Variants in C7orf78 observed in about 807,000 individuals in gnomAD.
C7orf78 encodes putative uncharacterized protein C7orf78.
chr7:12,497,701 G>A, the C7orf78 span, among the ~76,000 whole-genome samples: 3 of 152,062 alleles, frequency 2.0e-5, no homozygotes, highest in African/African-American at 7.3e-5. Context: ...AAACAAAGCA[G>A]CTGGGAAGCT....
chr7:12,506,677 A>G, the C7orf78 span: 1 of 222,278 alleles, frequency 4.5e-6, no homozygotes, highest in Non-Finnish European at 9.0e-6. Flanking sequence ...GCATTAGGAG[A>G]AATACCTAAT....
the C7orf78 span, chr7:12,504,553 G>A: frequency 2.6e-5 from 4 of 152,156 alleles, no homozygotes; most frequent in Non-Finnish European, 5.9e-5. Flanking sequence ...AATGGTAAGT[G>A]AAGTAACTGG....
At chr7:12,505,943 G>A in the C7orf78 span, 6 of 152,136 alleles carry the variant, frequency 3.9e-5, no homozygotes, top group East Asian at 9.7e-4. Context: ...ATAATATAAG[G>A]ACAAAATAAG....
chr7:12,533,485 G>C, the C7orf78 span, among the ~76,000 whole-genome samples: 1 of 149,082 alleles, frequency 6.7e-6, no homozygotes, highest in Non-Finnish European at 1.5e-5. Flanking sequence ...ACAGGTGTGA[G>C]CCACAGCGCC....
At chr7:12,489,875 C>G in the C7orf78 span, among the ~76,000 whole-genome samples, 50 of 152,136 alleles carry the variant, frequency 3.3e-4, no homozygotes, top group African/African-American at 1.1e-3. Flanking sequence ...CAGGTGGCAT[C>G]GACATTTGCT....
the C7orf78 span, chr7:12,528,847 CATG>C: frequency 2.5e-6 from 1 of 397,712 alleles, no homozygotes; most frequent in Non-Finnish European, 4.4e-6. Context: ...TGAGAGACAT[CATG>C]AACAAAGACA....
the C7orf78 span, chr7:12,496,382 T>G: frequency 6.6e-6 from 1 of 152,246 alleles, no homozygotes. Flanking sequence ...ATTCCAAGAA[T>G]GCATTCATGA....
the C7orf78 span, among the ~76,000 whole-genome samples, chr7:12,536,356 G>A: frequency 2.2e-4 from 34 of 152,274 alleles, no homozygotes; most frequent in Non-Finnish European, 4.6e-4. Flanking sequence ...TGAGCTCTAC[G>A]TTGGCCTCTT....
At chr7:12,488,308 T>C in the C7orf78 span, among the ~76,000 whole-genome samples, 1 of 152,082 alleles carries the variant, frequency 6.6e-6, no homozygotes, top group Non-Finnish European at 1.5e-5. Context: ...CAACTCACCA[T>C]TAAATTTCCT....
At chr7:12,499,477 CAAA>C in the C7orf78 span, among the ~76,000 whole-genome samples, 1 of 148,518 alleles carries the variant, frequency 6.7e-6, no homozygotes, top group Non-Finnish European at 1.5e-5. Context: ...TCAAAAGAGA[CAAA>C]GAAGGCCATT....
the C7orf78 span, among the ~76,000 whole-genome samples, chr7:12,528,545 C>G: frequency 6.6e-6 from 1 of 152,074 alleles, no homozygotes. Flanking sequence ...CTATGTGTCA[C>G]TCACTTTGGT....
chr7:12,536,078 C>T, the C7orf78 span, among the ~76,000 whole-genome samples: 9 of 152,202 alleles, frequency 5.9e-5, no homozygotes, highest in Admixed American at 2.6e-4. Context: ...GCCCTCTTTT[C>T]ACAGCTCCAA....
chr7:12,540,419 T>G, the C7orf78 span, among the ~76,000 whole-genome samples: 3 of 152,222 alleles, frequency 2.0e-5, no homozygotes, highest in African/African-American at 7.2e-5. Flanking sequence ...CATTTATACA[T>G]CAAACTCAGT....
At chr7:12,532,350 C>T in the C7orf78 span, among the ~76,000 whole-genome samples, 10 of 151,962 alleles carry the variant, frequency 6.6e-5, no homozygotes, top group South Asian at 4.1e-4. Context: ...GAGTTCGAGA[C>T]CAGCCTGACC....
chr7:12,494,549 C>G, the C7orf78 span, among the ~76,000 whole-genome samples: 1 of 152,074 alleles, frequency 6.6e-6, no homozygotes, highest in African/African-American at 2.4e-5. Context: ...TGACAAGCAG[C>G]CAAATTTATT....
the C7orf78 span, chr7:12,525,902 C>A: frequency 3.8e-5 from 15 of 396,510 alleles, no homozygotes; most frequent in Non-Finnish European, 6.7e-5. Context: ...CACTTAAGTA[C>A]AGGTAAGCTG....
At chr7:12,521,941 A>G in the C7orf78 span, among the ~76,000 whole-genome samples, 1 of 151,902 alleles carries the variant, frequency 6.6e-6, no homozygotes, top group African/African-American at 2.4e-5. Context: ...TCAATATGGC[A>G]TAGCCCTTTA....
At chr7:12,506,514 C>T in the C7orf78 span, among the ~76,000 whole-genome samples, 1 of 152,034 alleles carries the variant, frequency 6.6e-6, no homozygotes, top group Admixed American at 6.6e-5. Context: ...AGGTGTAAAC[C>T]ATCATTCTCA....
the C7orf78 span, among the ~76,000 whole-genome samples, chr7:12,537,126 T>C: frequency 3.9e-5 from 6 of 152,216 alleles, no homozygotes; most frequent in East Asian, 9.6e-4. Flanking sequence ...TATTAGTTCA[T>C]TCTCACACTG....
Sources: gnomAD v4.1 joint callset for allele counts (sites outside exome capture counted in the v4.1 genomes callset) on GRCh38, gnomAD v4.1.1 for gene constraint, MANE v1.5 for transcripts, NCBI Gene and HGNC (gene_info 2026-07-23, HGNC 2026-07-21) for gene names.